TMEM181: variants seen among roughly 807,000 people sequenced by gnomAD.
TMEM181 encodes the protein G protein-coupled receptor 178.
In TMEM181, 39 loss-of-function variants were observed where a neutral mutation model predicts 71.9. The observed-to-expected ratio is 0.54, with a 90% CI of 0.42 to 0.71. The LOEUF (loss-of-function observed/expected upper bound fraction) is 0.71, where lower values mean the gene tolerates loss of function less well. TMEM181 is among the 30% of genes least tolerant of loss of function. TMEM181 has a pLI of 0.00. For missense variants in TMEM181, 595 were observed against 583.0 expected, an observed-to-expected ratio of 1.02 and a Z score of -0.21; for synonymous variants, 245 against 228.8, an observed-to-expected ratio of 1.07 and a Z score of -0.64.
At chr6:158,610,478 A>G (rs535485181) in intron 10 of TMEM181, 1 of 330,300 alleles carries the variant, frequency 3.0e-6, no homozygotes, top group East Asian at 5.2e-5. Context: ...CAGCATATCC[A>G]AATGACAGTG....
upstream of TMEM181, among the ~76,000 whole-genome samples, chr6:158,558,734 T>C (rs1460580390): frequency 6.6e-6 from 1 of 152,174 alleles, no homozygotes. Flanking sequence ...GGAGGCATCC[T>C]CAGGCCTAAA....
chr6:158,594,810 C>T (rs868700644), intron 6 of TMEM181, among the ~76,000 whole-genome samples: 5 of 152,180 alleles, frequency 3.3e-5, no homozygotes, highest in Non-Finnish European at 7.4e-5. Flanking sequence ...GCCTCAGCCT[C>T]CTGAGTAGCT....
At chr6:158,585,066 A>G (rs2128301924) in intron 4 of TMEM181, among the ~76,000 whole-genome samples, 1 of 152,282 alleles carries the variant, frequency 6.6e-6, no homozygotes, top group South Asian at 2.1e-4. Flanking sequence ...GTGAAGTGAA[A>G]CTGATGGGTC....
At chr6:158,562,446 T>TGTGTGTGTGTG (rs1554302346) in intron 1 of TMEM181, among the ~76,000 whole-genome samples, 3 of 141,102 alleles carry the variant, frequency 2.1e-5, no homozygotes, top group Admixed American at 7.3e-5. Context: ...AAGGCTGTTT[T>TGTGTGTGTGTG]TGTGTGTGTG....
intron 6 of TMEM181, among the ~76,000 whole-genome samples, chr6:158,592,662 A>G (rs1031151904): frequency 1.3e-5 from 2 of 152,050 alleles, no homozygotes; most frequent in African/African-American, 2.4e-5. Context: ...ATTTTCATAT[A>G]TTTAGTAGAG....
At chr6:158,625,426 G>A (rs935114516) in intron 12 of TMEM181, among the ~76,000 whole-genome samples, 8 of 152,108 alleles carry the variant, frequency 5.3e-5, no homozygotes, top group African/African-American at 1.9e-4. Context: ...GGGTCCTGCG[G>A]GACTGTACCC....
At position 158,579,443 on chromosome 6, in the gene TMEM181, C is replaced by T. The variant is rs142158381; in HGVS notation, c.113-1497C>T. ...GCCTTAAAAAGTAAGGAAGTTCGGC[C>T]GGGCGCAGTGGCTCACGCCTGTAAT... On this transcript the variant is annotated intron_variant, in intron 2 of 16. Transcript: ENST00000684151. Among the ~76,000 whole-genome samples the T allele has an allele frequency of 3.7e-3, 562 of 151,752 alleles. 6 individuals carry two copies. The highest frequency in any genetic ancestry group is 0.01 in the African/African-American group (426 of 41,428).
chr6:158,583,813 A>G (rs1783609243), intron 3 of TMEM181, 141 bp from the exon 4 acceptor site: 4 of 580,502 alleles, frequency 6.9e-6, no homozygotes, highest in Non-Finnish European at 1.2e-5. Context: ...AAAAAAAAGA[A>G]GGAAAACCTC....
At position 158,570,916 on chromosome 6, in the gene TMEM181, G is replaced by T. The variant is rs190352434; in HGVS notation, c.9-2504G>T. On this transcript the variant is annotated intron_variant, in intron 1 of 16. Transcript: ENST00000684151. Reference sequence around the variant, plus strand: ...CTGCAGTATTTTGTTTGTTTGTTAGGTTGGTTTTTTTTTTTGAGATGGAGT... The same window carrying T: ...CTGCAGTATTTTGTTTGTTTGTTAGTTTGGTTTTTTTTTTTGAGATGGAGT... Among the ~76,000 whole-genome samples the T allele has an allele frequency of 2.9e-3, 428 of 148,920 alleles. 1 individual carries two copies. Among genetic ancestry groups the T allele is most frequent in the African/African-American group, 9.3e-3 (374 of 40,128 alleles).
At chr6:158,623,434 G>T in intron 10 of TMEM181, 116 bp from the exon 11 acceptor site, 2 of 588,172 alleles carry the variant, frequency 3.4e-6, no homozygotes, top group Non-Finnish European at 5.8e-6. Flanking sequence ...CTTCACTGTT[G>T]GTAGGAAGTA....
Position 158,633,775 on chromosome 6 carries a change from T to G in TMEM181, c.*1887T>G, listed in dbSNP as rs1437701112. 2.0e-5 allele frequency: 3 copies of G among 152,226 alleles called. No homozygotes were observed. The highest frequency in any genetic ancestry group is 4.4e-5 in the Non-Finnish European group (3 of 68,036). The allele number at this position is 152,226 out of a possible 1,614,324, so 9.4% of individuals were successfully genotyped here. A position where few individuals can be genotyped will look rare whatever the true frequency, so the allele number is the denominator to read the frequency against. On this transcript the variant is annotated 3_prime_UTR_variant, in exon 17 of 17. Transcript: ENST00000684151. Reference sequence around the variant, plus strand: ...AACTTACTGCAAGGGTAATTCAAGTTTACATGATTTTTAAATTTGCAATGA... The same window carrying G: ...AACTTACTGCAAGGGTAATTCAAGTGTACATGATTTTTAAATTTGCAATGA...
intron 6 of TMEM181, among the ~76,000 whole-genome samples, chr6:158,592,469 A>AC (rs1359805750): frequency 1.8e-5 from 2 of 112,912 alleles, no homozygotes; most frequent in African/African-American, 3.5e-5. Flanking sequence ...ACATAATGAG[A>AC]CCCCATCTTT....
intron 1 of TMEM181, among the ~76,000 whole-genome samples, chr6:158,565,195 G>C (rs1371833145): frequency 1.3e-5 from 2 of 152,232 alleles, no homozygotes; most frequent in African/African-American, 4.8e-5. Context: ...TATCTGTTTT[G>C]TGGTTCTGTG....
rs149165425 is a variant in TMEM181, at chr6:158,573,637, G to A, written c.112+114G>A. 1,360 of 861,630 alleles carry A rather than the reference G, an allele frequency of 1.6e-3. 3 individuals are homozygous for A. The highest frequency in any genetic ancestry group is 1.9e-3 in the Non-Finnish European group (1,049 of 545,556). 53.4% of individuals were successfully genotyped at this position (861,630 alleles called of 1,614,324 possible). On this transcript the variant is annotated intron_variant, in intron 2 of 16. Coordinates refer to ENST00000684151, the MANE Select transcript of TMEM181 (RefSeq NM_001376852.1). ...TTCCACTGCTAAGGGCCCCAGCGTGGAGGGAGAAGTGTCCACAGGGTGGAT... is the reference window on the plus strand; with the variant it reads ...TTCCACTGCTAAGGGCCCCAGCGTGAAGGGAGAAGTGTCCACAGGGTGGAT...
At chr6:158,585,992 T>C (rs889255965) in intron 5 of TMEM181, among the ~76,000 whole-genome samples, 2 of 152,174 alleles carry the variant, frequency 1.3e-5, no homozygotes, top group Non-Finnish European at 2.9e-5. Flanking sequence ...GGCTGACTAA[T>C]TTTCCATGGT....
At chr6:158,550,262 C>T (rs1781675629) in intron 1 of TMEM181, among the ~76,000 whole-genome samples, 1 of 151,238 alleles carries the variant, frequency 6.6e-6, no homozygotes, top group Admixed American at 6.6e-5. Flanking sequence ...TCAGGCTGGT[C>T]TCGAACTCCT....
Position 158,547,887 on chromosome 6 carries a change from CAAAAAAAAAA to C in TMEM181, c.131+11039_131+11048del, listed in dbSNP as rs34148643. On this transcript the variant is annotated intron_variant, in intron 1 of 16. Coordinates refer to the TMEM181 transcript ENST00000367090. ...GGGCAACAAGAGCAAAACTCTGTCT[CAAAAAAAAAA>C]AAAAAAAAAAAAAAAAGAGTCCTGA... 2.1e-3 allele frequency among the ~76,000 whole-genome samples: 118 copies of C among 57,042 alleles called. 2 individuals carry two copies. The highest frequency in any genetic ancestry group is 1.9e-3 in the Non-Finnish European group (58 of 31,202). The allele number at this position is 57,042 out of a possible 152,430, so 37.4% of individuals were successfully genotyped here.
chr6:158,595,241 T>C (rs1267095263), intron 6 of TMEM181, among the ~76,000 whole-genome samples: 3 of 152,250 alleles, frequency 2.0e-5, no homozygotes, highest in Non-Finnish European at 4.4e-5. Context: ...ATTATTTCTA[T>C]CTAATCTGGC....
At chr6:158,567,506 G>T (rs1018902284) in intron 1 of TMEM181, among the ~76,000 whole-genome samples, 29 of 152,238 alleles carry the variant, frequency 1.9e-4, no homozygotes, top group African/African-American at 6.3e-4. Flanking sequence ...GGGCAGCCGT[G>T]AGAGATGGAG....
Sources: gnomAD v4.1 joint callset for allele counts (sites outside exome capture counted in the v4.1 genomes callset) on GRCh38, gnomAD v4.1.1 for gene constraint, MANE v1.5 for transcripts, NCBI Gene and HGNC (gene_info 2026-07-23, HGNC 2026-07-21) for gene names.